The following RBFOX1 variants were observed in gnomAD, a reference collection of about 807,000 sequenced individuals.
RBFOX1 encodes the protein RNA binding protein fox-1 homolog 1.
A neutral mutation model predicts 57.7 loss-of-function variants in RBFOX1; 8 were observed. The ratio of observed to expected loss-of-function variants is 0.14; its 90% CI spans 0.08 to 0.25. The LOEUF (loss-of-function observed/expected upper bound fraction) is 0.25, where lower values mean the gene tolerates loss of function less well. Among genes scored for constraint, RBFOX1 ranks in the 10% least tolerant of loss-of-function variants. The pLI is 1.00. For synonymous variants in RBFOX1, 326 were observed against 222.4 expected (o/e 1.47, Z -4.15); for missense variants, 611 against 548.5 (o/e 1.11, Z -1.14).
chr16:5,739,466 A>T (rs2052699181), intron 3 of RBFOX1, among the ~76,000 whole-genome samples: 1 of 152,248 alleles, frequency 6.6e-6, no homozygotes, highest in African/African-American at 2.4e-5. Context: ...GAGTATTGGA[A>T]GGTGGTAATG....
chr16:6,957,914 A>G (rs1024023195), intron 3 of RBFOX1, among the ~76,000 whole-genome samples: 1 of 152,114 alleles, frequency 6.6e-6, no homozygotes, highest in African/African-American at 2.4e-5. Flanking sequence ...TCCATGCAGG[A>G]CATCTGTGAC....
chr16:7,516,772 C>T (rs1250238301), intron 4 of RBFOX1, among the ~76,000 whole-genome samples: 1 of 152,106 alleles, frequency 6.6e-6, no homozygotes, highest in Non-Finnish European at 1.5e-5. Context: ...TCATCTTTAA[C>T]ATTCTAATTA....
chr16:5,915,090 G>A (rs530366497), intron 4 of RBFOX1, among the ~76,000 whole-genome samples: 1 of 152,266 alleles, frequency 6.6e-6, no homozygotes, highest in South Asian at 2.1e-4. Context: ...ACACCAGGAG[G>A]TGGAAACCAC....
intron 2 of RBFOX1, among the ~76,000 whole-genome samples, chr16:5,563,692 A>G (rs1362911816): frequency 2.0e-5 from 3 of 152,194 alleles, no homozygotes; most frequent in African/African-American, 7.2e-5. Flanking sequence ...TATATAATTC[A>G]TATGATATAC....
At chr16:5,318,034 C>A (rs1254679324) in intron 1 of RBFOX1, among the ~76,000 whole-genome samples, 1 of 152,124 alleles carries the variant, frequency 6.6e-6, no homozygotes, top group Admixed American at 6.6e-5. Context: ...GAGCTGTGGG[C>A]CTTCAGCATG....
intron 4 of RBFOX1, among the ~76,000 whole-genome samples, chr16:7,382,930 T>G (rs2097803750): frequency 1.3e-5 from 2 of 152,124 alleles, no homozygotes; most frequent in Non-Finnish European, 2.9e-5. Flanking sequence ...CCTTTAGACA[T>G]CTCCCTGTAA....
At chr16:7,013,719 A>T (rs1159688875) in intron 3 of RBFOX1, among the ~76,000 whole-genome samples, 1 of 151,646 alleles carries the variant, frequency 6.6e-6, no homozygotes, top group Non-Finnish European at 1.5e-5. Flanking sequence ...GTGCACTGGC[A>T]CAATCACTGC....
intron 4 of RBFOX1, among the ~76,000 whole-genome samples, chr16:5,916,699 T>C (rs73521309): frequency 0.082 from 12,419 of 152,112 alleles, 768 homozygotes; most frequent in African/African-American, 0.17. Flanking sequence ...GGTTGTCAGG[T>C]GAGAAAGCTG....
intron 2 of RBFOX1, among the ~76,000 whole-genome samples, chr16:6,548,280 C>T (rs915607935): frequency 2.6e-5 from 4 of 151,966 alleles, no homozygotes; most frequent in African/African-American, 9.7e-5. Context: ...CTATAGTGTC[C>T]GAGATCATTT....
At chr16:6,848,442 C>T (rs1327557900) in intron 3 of RBFOX1, among the ~76,000 whole-genome samples, 3 of 152,138 alleles carry the variant, frequency 2.0e-5, no homozygotes, top group Admixed American at 2.0e-4. Flanking sequence ...GTTGACCACA[C>T]ATGGCCAGCA....
intron 1 of RBFOX1, among the ~76,000 whole-genome samples, chr16:5,416,732 T>C (rs1023173407): frequency 6.6e-6 from 1 of 152,160 alleles, no homozygotes; most frequent in African/African-American, 2.4e-5. Context: ...ATCTCCTCTT[T>C]TGGGGCCAGA....
chr16:7,273,887 A>C (rs531561638), intron 4 of RBFOX1, among the ~76,000 whole-genome samples: 2 of 152,148 alleles, frequency 1.3e-5, no homozygotes, highest in African/African-American at 2.4e-5. Context: ...ACGTAAATGT[A>C]TTATGTAATT....
At chr16:5,589,997 C>T (rs1156638526) in intron 2 of RBFOX1, among the ~76,000 whole-genome samples, 2 of 152,114 alleles carry the variant, frequency 1.3e-5, no homozygotes, top group Non-Finnish European at 2.9e-5. Flanking sequence ...CTATTCCTGC[C>T]TCTTGACGAC....
At chr16:7,219,013 G>T (rs865960245) in intron 4 of RBFOX1, among the ~76,000 whole-genome samples, 1 of 152,304 alleles carries the variant, frequency 6.6e-6, no homozygotes, top group South Asian at 2.1e-4. Flanking sequence ...CACAAGAGAA[G>T]AAGAGGTGAG....
At chr16:5,745,876 C>T (rs1341852321) in intron 3 of RBFOX1, among the ~76,000 whole-genome samples, 4 of 152,118 alleles carry the variant, frequency 2.6e-5, no homozygotes, top group Admixed American at 2.0e-4. Flanking sequence ...AATTTTCTCC[C>T]ATTCTGTAGG....
intron 2 of RBFOX1, among the ~76,000 whole-genome samples, chr16:5,470,704 C>T (rs980590947): frequency 1.3e-5 from 2 of 152,052 alleles, no homozygotes; most frequent in African/African-American, 4.8e-5. Flanking sequence ...GTAACCTGCC[C>T]ACAGTCACAC....
chr16:6,346,782 C>T (rs2152837214), intron 2 of RBFOX1, among the ~76,000 whole-genome samples: 1 of 152,190 alleles, frequency 6.6e-6, no homozygotes, highest in African/African-American at 2.4e-5. Context: ...TGAGGCTTGT[C>T]TTGGGATGGT....
intron 3 of RBFOX1, among the ~76,000 whole-genome samples, chr16:6,925,420 C>T (rs547509803): frequency 1.2e-4 from 18 of 151,702 alleles, no homozygotes; most frequent in Non-Finnish European, 2.4e-4. Context: ...CCACTGCACC[C>T]AGCCTATCCT....
chr16:7,100,652 A>G (rs1179612416), intron 4 of RBFOX1, among the ~76,000 whole-genome samples: 1 of 149,344 alleles, frequency 6.7e-6, no homozygotes, highest in East Asian at 2.0e-4. Context: ...TTTTCTTGAC[A>G]TAGCCTGTGA....
Sources: allele counts gnomAD v4.1 joint callset (sites outside exome capture counted in the v4.1 genomes callset), GRCh38; gene constraint gnomAD v4.1.1; transcripts MANE v1.5; gene names NCBI Gene and HGNC (gene_info 2026-07-23, HGNC 2026-07-21).